The following PIK3R5 variants were observed in gnomAD, a reference collection of about 807,000 sequenced individuals.
The protein encoded by PIK3R5 is phosphoinositide-3-kinase regulatory subunit 5.
PIK3R5 carries 32 observed loss-of-function variants against 94.9 expected under a neutral mutation model. The observed-to-expected ratio is 0.34, with a 90% CI of 0.25 to 0.45. PIK3R5 has a LOEUF of 0.45. PIK3R5 is among the 20% of genes least tolerant of loss of function. PIK3R5 has a pLI of 1.00. For synonymous variants in PIK3R5, 443 were observed against 479.4 expected (o/e 0.92, Z 0.99); for missense variants, 853 against 1,144.6 (o/e 0.75, Z 3.68).
rs548697820 is a variant in PIK3R5, at chr17:8,904,252, T to C, written c.412+525A>G. Among the ~76,000 whole-genome samples the C allele has an allele frequency of 3.9e-5, 6 of 152,312 alleles. No individual in the cohort carries two copies. Among genetic ancestry groups the C allele is most frequent in the African/African-American group, 1.4e-4 (6 of 41,562 alleles). On this transcript the variant is annotated intron_variant, in intron 5 of 18. Transcript: ENST00000447110. The surrounding 1 kb of genome is among the most constrained non-coding windows in gnomAD (Gnocchi z 5.1). ...ACAGCACCTGCAATTTCTGAAGAAT[T>C]CTTACTTTTCAGACCCCACACATGA...
intron 1 of PIK3R5, among the ~76,000 whole-genome samples, chr17:8,962,394 A>G (rs1485170577): frequency 6.6e-6 from 1 of 152,268 alleles, no homozygotes; most frequent in Non-Finnish European, 1.5e-5. Context: ...TTATTCAATC[A>G]TATCCAACAT....
chr17:8,906,338 A>T (rs1288704449), intron 3 of PIK3R5, among the ~76,000 whole-genome samples: 4 of 152,220 alleles, frequency 2.6e-5, no homozygotes, highest in African/African-American at 9.7e-5. Context: ...TAGTATTATA[A>T]GTAAATTTCT....
chr17:8,940,762 C>T (rs1254023775), intron 1 of PIK3R5, among the ~76,000 whole-genome samples: 6 of 151,940 alleles, frequency 3.9e-5, no homozygotes, highest in African/African-American at 1.2e-4. Context: ...GGTTTCACCA[C>T]GTTGGCCAGG....
At chr17:8,951,142 T>C (rs1485152476) in intron 1 of PIK3R5, among the ~76,000 whole-genome samples, 1 of 152,248 alleles carries the variant, frequency 6.6e-6, no homozygotes, top group Non-Finnish European at 1.5e-5. Flanking sequence ...TGTTTTTAAA[T>C]GGGGTTATTT....
Position 8,900,838 on chromosome 17 carries a change from C to T in PIK3R5, c.412+3939G>A, listed in dbSNP as rs928500350. Among the ~76,000 whole-genome samples, 4 of 152,062 alleles carry T rather than the reference C, an allele frequency of 2.6e-5. No homozygotes were observed. In the East Asian group the frequency reaches 7.7e-4, roughly 29 times the overall value. On this transcript the variant is annotated intron_variant, in intron 5 of 18. Transcript: ENST00000447110. Reference sequence around the variant, plus strand: ...CCTGCAAAAATATCTCAAGGCATAGCGTGCATTGAGCTGAGGAGGGACAGC... The same window carrying T: ...CCTGCAAAAATATCTCAAGGCATAGTGTGCATTGAGCTGAGGAGGGACAGC...
At chr17:8,894,283 C>T (rs999999892) in intron 5 of PIK3R5, among the ~76,000 whole-genome samples, 5 of 152,182 alleles carry the variant, frequency 3.3e-5, no homozygotes, top group South Asian at 4.1e-4. Context: ...CGTCTTGTGC[C>T]GCAGGGCTAC....
chr17:8,947,108 C>G (rs960681499), intron 1 of PIK3R5, among the ~76,000 whole-genome samples: 53 of 152,044 alleles, frequency 3.5e-4, no homozygotes, highest in Non-Finnish European at 2.4e-4. Flanking sequence ...GGATCACACA[C>G]CCCGCCTGAC....
In PIK3R5 at chr17:8,896,396, A is replaced by G. The variant is rs978858677; in HGVS notation, c.413-2741T>C. Among the ~76,000 whole-genome samples the G allele has an allele frequency of 6.6e-6, 1 of 152,246 alleles. No homozygotes were observed. The highest frequency in any genetic ancestry group is 6.5e-5 in the Admixed American group (1 of 15,290). On this transcript the variant is annotated intron_variant, in intron 5 of 18. Coordinates refer to ENST00000447110, the MANE Select transcript of PIK3R5 (RefSeq NM_001142633.3). The surrounding 1 kb of genome is among the most constrained non-coding windows in gnomAD (Gnocchi z 4.0). ...CACACCCTTTCTTGGTCACCTTAGC[A>G]GATGGAAACAACTTTCTGAGTTTAG...
chr17:8,926,306 C>A (rs530645382), intron 1 of PIK3R5, among the ~76,000 whole-genome samples: 1 of 152,212 alleles, frequency 6.6e-6, no homozygotes, highest in African/African-American at 2.4e-5. Flanking sequence ...CTTTGGGAAG[C>A]TTTGCTCAGA....
chr17:8,939,017 G>C (rs923334860), intron 1 of PIK3R5, among the ~76,000 whole-genome samples: 1 of 152,140 alleles, frequency 6.6e-6, no homozygotes, highest in Admixed American at 6.5e-5. Flanking sequence ...ACATAAGCTG[G>C]TGCCACCGCC....
At chr17:8,959,724 A>G (rs1424260272) in intron 1 of PIK3R5, among the ~76,000 whole-genome samples, 3 of 152,210 alleles carry the variant, frequency 2.0e-5, no homozygotes, top group African/African-American at 7.2e-5. Context: ...ATACGTCTGC[A>G]CAGACTTCAT....
rs980732876 is a variant in PIK3R5, at chr17:8,888,277, G to T, written c.1510C>A (p.Pro504Thr). The change falls in exon 10 of 19, where the codon CCC becomes ACC. Residue 504 changes from proline (P) to threonine (T), a missense_variant. Pro to Thr is a conservative substitution (Grantham distance 38). Transcript: ENST00000447110. The surrounding 1 kb of genome is among the most constrained non-coding windows in gnomAD (Gnocchi z 7.8). ...GGATCCTCATCTCCACTCAGGAAGG[G>T]GCGGCGGCGCTGGGGGCGTGAAGCA... ...APASRPQRRR[P>T]FLSGDEDPKA... The T allele has an allele frequency of 2.5e-6, 4 of 1,613,346 alleles. No individual in the cohort carries two copies. Among genetic ancestry groups the T allele is most frequent in the Non-Finnish European group, 3.4e-6 (4 of 1,179,872 alleles).
At chr17:8,910,713 C>G (rs9894604) in intron 2 of PIK3R5, among the ~76,000 whole-genome samples, 2,126 of 152,284 alleles carry the variant, frequency 0.014, 44 homozygotes, top group African/African-American at 0.044. Flanking sequence ...GCTATGTGTA[C>G]TTCCCAGGGA....
At chr17:8,937,042 A>T (rs73253085) in intron 1 of PIK3R5, among the ~76,000 whole-genome samples, 2,285 of 152,244 alleles carry the variant, frequency 0.015, 59 homozygotes, top group African/African-American at 0.053. Flanking sequence ...TTTTAATTCA[A>T]ATTCCAATTG....
chr17:8,882,758 C>T lies in PIK3R5; in HGVS notation c.2206-877G>A, dbSNP rs2089711434. Among the ~76,000 whole-genome samples, 1 of 152,154 alleles carries T rather than the reference C, an allele frequency of 6.6e-6. No homozygotes were observed. The highest frequency in any genetic ancestry group is 6.5e-5 in the Admixed American group (1 of 15,282). On this transcript the variant is annotated intron_variant, in intron 15 of 18. Coordinates refer to ENST00000447110, the MANE Select transcript of PIK3R5 (RefSeq NM_001142633.3). The surrounding 1 kb of genome is among the most constrained non-coding windows in gnomAD (Gnocchi z 4.1). ...GCTGCCAGTCACAGAGGAGTGACTC[C>T]AGGAGTCTGGCCTCTCCTTTCCTAA...
At chr17:8,891,259 A>T (rs2090016625) in intron 6 of PIK3R5, among the ~76,000 whole-genome samples, 1 of 152,198 alleles carries the variant, frequency 6.6e-6, no homozygotes, top group Non-Finnish European at 1.5e-5. Context: ...TCAAATGAGG[A>T]TCATATTTTA....
intron 2 of PIK3R5, among the ~76,000 whole-genome samples, chr17:8,910,909 T>C (rs996642213): frequency 5.9e-5 from 9 of 152,084 alleles, no homozygotes; most frequent in African/African-American, 2.2e-4. Context: ...TGCCCGGGAC[T>C]GCGGACACCC....
chr17:8,904,073 A>G lies in PIK3R5; in HGVS notation c.412+704T>C, dbSNP rs1597390600. On this transcript the variant is annotated intron_variant, in intron 5 of 18. Transcript: ENST00000447110. The surrounding 1 kb of genome is among the most constrained non-coding windows in gnomAD (Gnocchi z 5.1). ...TTTTGAATATCAGGAATGATGATGA[A>G]TTTTATGAAATATTTTAGAGGCATC... Among the ~76,000 whole-genome samples the G allele has an allele frequency of 6.6e-6, 1 of 152,328 alleles. No homozygotes were observed. The highest frequency in any genetic ancestry group is 1.9e-4 in the East Asian group (1 of 5,184).
intron 11 of PIK3R5, 31 bp from the exon 12 acceptor site, chr17:8,887,252 G>A: frequency 6.2e-7 from 1 of 1,612,224 alleles, no homozygotes; most frequent in Non-Finnish European, 8.5e-7. Context: ...CATCATCCCA[G>A]CTCCCCAGGA....
Sources: gnomAD v4.1 joint callset for allele counts (sites outside exome capture counted in the v4.1 genomes callset) on GRCh38, gnomAD v4.1.1 for gene constraint, Gnocchi (gnomAD v3.1) non-coding constraint, MANE v1.5 for transcripts, NCBI Gene and HGNC (gene_info 2026-07-23, HGNC 2026-07-21) for gene names.